The following PRICKLE1 variants were observed in gnomAD, a reference collection of about 807,000 sequenced individuals.
PRICKLE1 encodes prickle planar cell polarity protein 1, also known as prickle-like protein 1.
PRICKLE1 carries 14 observed loss-of-function variants against 70.2 expected under a neutral mutation model. That is an observed-to-expected ratio of 0.20 (90% CI 0.13 to 0.31). PRICKLE1 has a LOEUF of 0.31. PRICKLE1 is among the 10% of genes least tolerant of loss of function. The pLI is 1.00. For missense variants in PRICKLE1, 821 were observed against 1,026.2 expected (o/e 0.80, Z 2.73); for synonymous variants, 357 against 379.9 (o/e 0.94, Z 0.70).
At chr12:42,477,390 A>AAT (rs71084658) in intron 1 of PRICKLE1, among the ~76,000 whole-genome samples, 90,915 of 145,192 alleles carry the variant, frequency 0.63, 28,787 homozygotes, top group Admixed American at 0.67. Context: ...AACAAAACAA[A>AAT]ATATATATAT....
At chr12:42,460,696 CTCAA>C in intron 7 of PRICKLE1, 31 bp from the exon 8 acceptor site, 1 of 1,602,186 alleles carries the variant, frequency 6.2e-7, no homozygotes. Flanking sequence ...AGATGTGCTT[CTCAA>C]TCATCCTAAT....
intron 1 of PRICKLE1, among the ~76,000 whole-genome samples, chr12:42,548,476 T>C (rs1352087619): frequency 6.6e-6 from 1 of 152,158 alleles, no homozygotes; most frequent in East Asian, 1.9e-4. Context: ...GGTCATAGGG[T>C]ACTCCTGAGA....
chr12:42,501,681 C>G (rs967629933), intron 1 of PRICKLE1, among the ~76,000 whole-genome samples: 16 of 152,022 alleles, frequency 1.1e-4, no homozygotes, highest in Non-Finnish European at 2.1e-4. Flanking sequence ...CCCATACAGT[C>G]AGGCAAATTA....
chr12:42,510,780 A>G (rs1939498273), intron 1 of PRICKLE1, among the ~76,000 whole-genome samples: 1 of 152,192 alleles, frequency 6.6e-6, no homozygotes, highest in African/African-American at 2.4e-5. Context: ...TTATTACGGA[A>G]GAGCTTGAAA....
chr12:42,519,463 C>T (rs1017777462), intron 1 of PRICKLE1, among the ~76,000 whole-genome samples: 2 of 152,010 alleles, frequency 1.3e-5, no homozygotes, highest in African/African-American at 4.8e-5. Flanking sequence ...CCCAAAGTGC[C>T]GGGATTATAG....
At chr12:42,521,382 T>C (rs888495850) in intron 1 of PRICKLE1, among the ~76,000 whole-genome samples, 8 of 152,086 alleles carry the variant, frequency 5.3e-5, no homozygotes, top group African/African-American at 1.9e-4. Context: ...TGTTTGAAAA[T>C]GGTTACGAAT....
intron 1 of PRICKLE1, among the ~76,000 whole-genome samples, chr12:42,508,324 C>CCATTA (rs750413282): frequency 5.3e-5 from 8 of 152,162 alleles, no homozygotes; most frequent in Admixed American, 2.0e-4. Flanking sequence ...ATATCCTATA[C>CCATTA]CATTACTTTA....
intron 1 of PRICKLE1, among the ~76,000 whole-genome samples, chr12:42,496,717 T>C (rs1939208440): frequency 6.6e-6 from 1 of 151,960 alleles, no homozygotes; most frequent in Non-Finnish European, 1.5e-5. Flanking sequence ...AGATGGCTTC[T>C]TTCCTGAAAC....
At chr12:42,485,241 T>TG (rs1222777789) in intron 1 of PRICKLE1, 2 of 7,344 alleles carry the variant, frequency 2.7e-4, no homozygotes, top group Non-Finnish European at 4.8e-4. Context: ...GCTGAGAAGT[T>TG]TTTTTTTTTT....
At chr12:42,537,329 A>T (rs920179019) in intron 1 of PRICKLE1, among the ~76,000 whole-genome samples, 4 of 151,596 alleles carry the variant, frequency 2.6e-5, no homozygotes, top group African/African-American at 4.9e-5. Flanking sequence ...CAGCTAATTT[A>T]AAAAAAAATT....
chr12:42,559,527 C>T (rs578193575), intron 1 of PRICKLE1, among the ~76,000 whole-genome samples: 4 of 150,820 alleles, frequency 2.7e-5, no homozygotes, highest in South Asian at 2.1e-4. Context: ...ACTACAGGCA[C>T]GTGCCACCAT....
Position 42,528,811 on chromosome 12 carries a change from T to G in PRICKLE1, c.-48-56247A>C, listed in dbSNP as rs1242363511. Among the ~76,000 whole-genome samples the G allele has an allele frequency of 2.0e-5, 3 of 152,246 alleles. No individual in the cohort carries two copies. In the East Asian group the frequency reaches 5.8e-4, roughly 29 times the overall value. On this transcript the variant is annotated intron_variant, in intron 1 of 7. Transcript: ENST00000345127. ...GAAAAATAATCACATATATAACATG[T>G]ATGTGTAAGCTAGACAACAAACATG...
chr12:42,530,277 T>C lies in PRICKLE1; in HGVS notation c.-48-57713A>G, dbSNP rs186570557. Among the ~76,000 whole-genome samples, 837 of 152,266 alleles carry C rather than the reference T, an allele frequency of 5.5e-3. 9 individuals carry two copies. The highest frequency in any genetic ancestry group is 0.019 in the African/African-American group (793 of 41,556). On this transcript the variant is annotated intron_variant, in intron 1 of 7. Coordinates refer to ENST00000345127, the MANE Select transcript of PRICKLE1 (RefSeq NM_153026.3). Reference sequence around the variant, plus strand: ...AGAATTTTCAAGTTGGATTAAATTATAGATTTTTATTTCTTCTTCTTCCAC... The same window carrying C: ...AGAATTTTCAAGTTGGATTAAATTACAGATTTTTATTTCTTCTTCTTCCAC...
intron 1 of PRICKLE1, among the ~76,000 whole-genome samples, chr12:42,477,816 G>T (rs1566091503): frequency 6.6e-6 from 1 of 152,092 alleles, no homozygotes; most frequent in Admixed American, 6.6e-5. Flanking sequence ...GCAGAATCAG[G>T]TTTAAAAGTA....
chr12:42,507,042 CTTAATT>C (rs1939433717), intron 1 of PRICKLE1, among the ~76,000 whole-genome samples: 2 of 152,126 alleles, frequency 1.3e-5, no homozygotes, highest in South Asian at 4.1e-4. Flanking sequence ...ACATGCAAGG[CTTAATT>C]TTAATTATGC....
intron 1 of PRICKLE1, among the ~76,000 whole-genome samples, chr12:42,563,057 C>T (rs954053234): frequency 6.6e-6 from 1 of 151,836 alleles, no homozygotes; most frequent in Admixed American, 6.6e-5. Flanking sequence ...GTGGCGGGTG[C>T]CTGTAATCTC....
intron 1 of PRICKLE1, among the ~76,000 whole-genome samples, chr12:42,541,067 T>G (rs1487010341): frequency 6.6e-6 from 1 of 152,110 alleles, no homozygotes; most frequent in Non-Finnish European, 1.5e-5. Flanking sequence ...GATAAATAAT[T>G]CAAAGAACTG....
chr12:42,562,980 C>G (rs985229436), intron 1 of PRICKLE1, among the ~76,000 whole-genome samples: 1 of 151,550 alleles, frequency 6.6e-6, no homozygotes, highest in East Asian at 2.0e-4. Context: ...GTCAGGAGTT[C>G]GAGACCAGCC....
At chr12:42,555,395 T>C (rs1191908578) in intron 1 of PRICKLE1, among the ~76,000 whole-genome samples, 1 of 152,212 alleles carries the variant, frequency 6.6e-6, no homozygotes, top group Non-Finnish European at 1.5e-5. Context: ...GGTTAAATAG[T>C]ATTATTGTGG....
Sources: gnomAD v4.1 joint callset for allele counts (sites outside exome capture counted in the v4.1 genomes callset) on GRCh38, gnomAD v4.1.1 for gene constraint, MANE v1.5 for transcripts, NCBI Gene and HGNC (gene_info 2026-07-23, HGNC 2026-07-21) for gene names.